FHIT: variants seen among roughly 807,000 people sequenced by gnomAD.
FHIT encodes the protein fragile histidine triad diadenosine triphosphatase.
FHIT carries 19 observed loss-of-function variants against 17.9 expected under a neutral mutation model. The ratio of observed to expected loss-of-function variants is 1.06; its 90% CI spans 0.74 to 1.56. FHIT has a LOEUF of 1.56. Among genes scored for constraint, FHIT ranks in the 40% most tolerant of loss-of-function variants. FHIT has a pLI of 0.00. For missense variants in FHIT, 248 were observed against 189.2 expected (o/e 1.31, Z -1.82); for synonymous variants, 81 against 69.7 (o/e 1.16, Z -0.81).
At chr3:60,205,419 A>G (rs762548900) in intron 5 of FHIT, among the ~76,000 whole-genome samples, 2 of 152,238 alleles carry the variant, frequency 1.3e-5, no homozygotes, top group Non-Finnish European at 2.9e-5. Flanking sequence ...CAAATTCTGC[A>G]TCTTGGCACA....
chr3:61,231,005 T>A (rs2106872289), intron 1 of FHIT, among the ~76,000 whole-genome samples: 1 of 152,280 alleles, frequency 6.6e-6, no homozygotes, highest in Non-Finnish European at 1.5e-5. Flanking sequence ...ACTGGTAAAA[T>A]CATATAGAAC....
At chr3:61,004,619 T>G (rs1409572764) in intron 3 of FHIT, among the ~76,000 whole-genome samples, 4 of 152,114 alleles carry the variant, frequency 2.6e-5, no homozygotes, top group African/African-American at 7.2e-5. Context: ...TAGAGGAACA[T>G]AGCCAGCTCA....
At chr3:59,883,412 GC>G (rs1559696046) in intron 8 of FHIT, among the ~76,000 whole-genome samples, 1 of 152,198 alleles carries the variant, frequency 6.6e-6, no homozygotes, top group Admixed American at 6.5e-5. Flanking sequence ...AAGGTGAAAG[GC>G]ATGTTTTATG....
At chr3:60,489,893 C>G (rs1360495688) in intron 5 of FHIT, among the ~76,000 whole-genome samples, 1 of 151,950 alleles carries the variant, frequency 6.6e-6, no homozygotes, top group East Asian at 1.9e-4. Context: ...GGCTCCAAAC[C>G]AAGTCATCTG....
In FHIT at chr3:60,227,171, G is replaced by A. The variant is rs370391976; in HGVS notation, c.104-213019C>T. ...GCTGGGGCAATGAGCTGTGACCACC[G>A]GTGATTCAAAGGAATCACTAAACTC... On this transcript the variant is annotated intron_variant, in intron 5 of 9. Transcript: ENST00000492590. Among the ~76,000 whole-genome samples the A allele has an allele frequency of 1.1e-4, 17 of 152,002 alleles. No homozygotes were observed. In the East Asian group the frequency reaches 1.5e-3, roughly 14 times the overall value.
intron 2 of FHIT, among the ~76,000 whole-genome samples, chr3:61,042,814 T>C (rs947052533): frequency 3.3e-5 from 5 of 150,322 alleles, no homozygotes; most frequent in African/African-American, 9.8e-5. Flanking sequence ...CACTCCAGCC[T>C]GGGTGACAAA....
intron 1 of FHIT, among the ~76,000 whole-genome samples, chr3:61,204,936 C>T (rs1382783262): frequency 4.0e-5 from 6 of 151,740 alleles, no homozygotes; most frequent in South Asian, 2.1e-4. Flanking sequence ...AACTCATCAT[C>T]TAGCATTAGG....
chr3:60,252,087 G>A (rs1451917545), intron 5 of FHIT, among the ~76,000 whole-genome samples: 1 of 152,150 alleles, frequency 6.6e-6, no homozygotes, highest in Non-Finnish European at 1.5e-5. Context: ...ATCATTGGCT[G>A]TATGACAAAA....
At chr3:60,086,138 AAG>A (rs991423735) in intron 5 of FHIT, among the ~76,000 whole-genome samples, 5 of 152,158 alleles carry the variant, frequency 3.3e-5, no homozygotes, top group Non-Finnish European at 7.4e-5. Flanking sequence ...GAGAGGAAGC[AAG>A]AGAGAGAGTA....
At chr3:60,929,496 T>A (rs993152561) in intron 3 of FHIT, among the ~76,000 whole-genome samples, 1 of 152,202 alleles carries the variant, frequency 6.6e-6, no homozygotes, top group Non-Finnish European at 1.5e-5. Flanking sequence ...CTTAAGCTGA[T>A]AGGCAACTTC....
At chr3:60,895,730 CTTT>C (rs1705777019) in intron 3 of FHIT, among the ~76,000 whole-genome samples, 1 of 82,214 alleles carries the variant, frequency 1.2e-5, no homozygotes, top group East Asian at 2.6e-4. Flanking sequence ...TTCTTTCTTT[CTTT>C]CTTCTTTCTT....
At chr3:60,658,649 T>C (rs2040170916) in intron 4 of FHIT, among the ~76,000 whole-genome samples, 1 of 152,122 alleles carries the variant, frequency 6.6e-6, no homozygotes, top group African/African-American at 2.4e-5. Flanking sequence ...AACTGATATT[T>C]TAAAAGATGT....
chr3:60,057,857 T>C (rs1348018428), intron 5 of FHIT, among the ~76,000 whole-genome samples: 1 of 152,168 alleles, frequency 6.6e-6, no homozygotes, highest in African/African-American at 2.4e-5. Context: ...CCCCTGGTTT[T>C]ACATAGTCTG....
intron 7 of FHIT, among the ~76,000 whole-genome samples, chr3:59,970,137 A>T (rs931390149): frequency 9.2e-5 from 14 of 152,120 alleles, no homozygotes; most frequent in Admixed American, 6.6e-5. Flanking sequence ...GGCAAGACAA[A>T]AAGGATGGTC....
intron 5 of FHIT, among the ~76,000 whole-genome samples, chr3:60,113,076 T>G (rs1704750965): frequency 6.6e-6 from 1 of 152,184 alleles, no homozygotes; most frequent in African/African-American, 2.4e-5. Context: ...TCAAGTAGCC[T>G]CTTCTCCTGA....
At chr3:60,872,087 G>C (rs1000272042) in intron 3 of FHIT, among the ~76,000 whole-genome samples, 3 of 152,116 alleles carry the variant, frequency 2.0e-5, no homozygotes, top group Non-Finnish European at 2.9e-5. Flanking sequence ...TATGAATTCA[G>C]TAGGAATTGC....
intron 1 of FHIT, among the ~76,000 whole-genome samples, chr3:61,240,894 C>T (rs748096934): frequency 3.9e-5 from 6 of 152,180 alleles, no homozygotes; most frequent in African/African-American, 7.2e-5. Flanking sequence ...TCAATTTCAG[C>T]TGCGCTAGAC....
intron 3 of FHIT, among the ~76,000 whole-genome samples, chr3:60,924,278 C>A (rs1378215657): frequency 6.6e-6 from 1 of 152,146 alleles, no homozygotes; most frequent in Non-Finnish European, 1.5e-5. Flanking sequence ...GGTCCCTGAC[C>A]CCCGAGTAGC....
chr3:59,849,140 G>A (rs964001654), intron 8 of FHIT, among the ~76,000 whole-genome samples: 1 of 152,158 alleles, frequency 6.6e-6, no homozygotes, highest in African/African-American at 2.4e-5. Flanking sequence ...GGAGGCCAAG[G>A]CAGGCAGATC....
Sources: gnomAD v4.1 joint callset for allele counts (sites outside exome capture counted in the v4.1 genomes callset) on GRCh38, gnomAD v4.1.1 for gene constraint, MANE v1.5 for transcripts, NCBI Gene and HGNC (gene_info 2026-07-23, HGNC 2026-07-21) for gene names.